Variants in TULP4 observed in about 807,000 individuals in gnomAD.
The protein encoded by TULP4 is TUB like protein 4, also known as tubby-related protein 4.
Under a neutral mutation model 129.0 loss-of-function variants are expected in TULP4, and 16 were observed. The observed-to-expected ratio is 0.12, with a 90% CI of 0.08 to 0.19. The LOEUF is 0.19. Ranked by LOEUF, TULP4 falls within the 10% of genes least tolerant of loss-of-function variation. TULP4 has a pLI of 1.00. For synonymous variants in TULP4, 998 were observed against 854.0 expected (o/e 1.17, Z -2.94); for missense variants, 1,842 against 2,059.1 (o/e 0.89, Z 2.04).
chr6:158,422,083 GGA>G (rs1486667614), intron 2 of TULP4, among the ~76,000 whole-genome samples: 2 of 151,956 alleles, frequency 1.3e-5, no homozygotes, highest in African/African-American at 4.8e-5. Context: ...TAATTGAAAA[GGA>G]GAGTAAATCC....
At chr6:158,366,175 TTAC>T (rs1334309862) in intron 1 of TULP4, among the ~76,000 whole-genome samples, 1 of 152,142 alleles carries the variant, frequency 6.6e-6, no homozygotes, top group Non-Finnish European at 1.5e-5. Flanking sequence ...AGTGCTGGGA[TTAC>T]AGGCATGGGC....
chr6:158,299,171 T>C (rs1359627150), intron 1 of TULP4, among the ~76,000 whole-genome samples: 2 of 152,106 alleles, frequency 1.3e-5, no homozygotes, highest in Admixed American at 1.3e-4. Flanking sequence ...TCTTCCTGTT[T>C]TAAGGAAAAG....
In TULP4 at chr6:158,365,889, CTT is replaced by C. The variant is rs1780937342; in HGVS notation, c.253-47172_253-47171del. On this transcript the variant is annotated intron_variant, in intron 1 of 13. Coordinates refer to ENST00000367097, the MANE Select transcript of TULP4 (RefSeq NM_020245.5). ...GGTTCGTTTTTCTTTTTTTTTTTTT[CTT>C]TTTCTTTCTTTTTTTTTTTTTTTTT... 2.6e-3 allele frequency among the ~76,000 whole-genome samples: 219 copies of C among 84,528 alleles called. 1 individual carries two copies. Among genetic ancestry groups the C allele is most frequent in the Non-Finnish European group, 4.3e-3 (180 of 41,414 alleles). 55.5% of individuals were successfully genotyped at this position (84,528 alleles called of 152,430 possible). A position where few individuals can be genotyped will look rare whatever the true frequency, so the allele number is the denominator to read the frequency against.
At chr6:158,268,281 C>T (rs550558991) in intron 1 of TULP4, among the ~76,000 whole-genome samples, 3 of 151,972 alleles carry the variant, frequency 2.0e-5, no homozygotes, top group South Asian at 2.1e-4. Context: ...CCAGGTGATC[C>T]GGCCACTTCT....
intron 1 of TULP4, among the ~76,000 whole-genome samples, chr6:158,261,182 T>G (rs954924727): frequency 5.9e-5 from 9 of 152,152 alleles, no homozygotes; most frequent in Admixed American, 5.2e-4. Context: ...AAACCATCTA[T>G]ATTGTTGTGC....
chr6:158,331,790 T>C (rs1487250249), intron 1 of TULP4, among the ~76,000 whole-genome samples: 1 of 124,288 alleles, frequency 8.0e-6, no homozygotes, highest in Non-Finnish European at 1.7e-5. Flanking sequence ...CACACACACA[T>C]ACCTACATAC....
At chr6:158,380,910 A>AG (rs1554285869) in intron 1 of TULP4, among the ~76,000 whole-genome samples, 2 of 135,046 alleles carry the variant, frequency 1.5e-5, no homozygotes, top group African/African-American at 2.6e-5. Context: ...AAAAAAAAAA[A>AG]AAGAAGAAGA....
intron 2 of TULP4, among the ~76,000 whole-genome samples, chr6:158,423,127 G>T (rs1035211389): frequency 3.2e-4 from 49 of 151,382 alleles, no homozygotes; most frequent in African/African-American, 9.2e-4. Context: ...AAAAGAGGGG[G>T]GGGGGGGGAA....
chr6:158,448,217 T>C (rs757067806), intron 3 of TULP4, among the ~76,000 whole-genome samples: 1 of 152,196 alleles, frequency 6.6e-6, no homozygotes, highest in Non-Finnish European at 1.5e-5. Flanking sequence ...CTCCTGAGTA[T>C]GTGCTCTGAG....
At chr6:158,466,924 TCAAC>T (rs1383030296) in intron 6 of TULP4, among the ~76,000 whole-genome samples, 1 of 152,210 alleles carries the variant, frequency 6.6e-6, no homozygotes, top group East Asian at 1.9e-4. Context: ...TCAGACAATT[TCAAC>T]CAGTCTTACA....
In TULP4 at chr6:158,508,171, T is replaced by C. The variant is rs1780647261; in HGVS notation, c.*1477T>C. ...TGTTGTTTTTTGTTGTTGTTTTTTG[T>C]TTTTGTTTTTGTTTTTCTCAGTCTT... On this transcript the variant is annotated 3_prime_UTR_variant, in exon 14 of 14. Transcript: ENST00000367097. The C allele has an allele frequency of 6.6e-6, 1 of 152,104 alleles. No homozygotes were observed. Among genetic ancestry groups the C allele is most frequent in the Non-Finnish European group, 1.5e-5 (1 of 68,010 alleles). The allele number at this position is 152,104 out of a possible 1,614,324, so 9.4% of individuals were successfully genotyped here.
At chr6:158,278,228 A>G (rs922904897), upstream of TULP4, among the ~76,000 whole-genome samples, 2 of 152,192 alleles carry the variant, frequency 1.3e-5, no homozygotes, top group Non-Finnish European at 2.9e-5. Context: ...AGCTCCTTTG[A>G]GACTGCTAAA....
chr6:158,439,475 C>G (rs918822607), intron 3 of TULP4, among the ~76,000 whole-genome samples: 2 of 152,204 alleles, frequency 1.3e-5, no homozygotes, highest in African/African-American at 2.4e-5. Flanking sequence ...CAGAGCAACT[C>G]TCTCCCTCCA....
intron 1 of TULP4, among the ~76,000 whole-genome samples, chr6:158,349,664 CA>C (rs1780448004): frequency 6.9e-6 from 1 of 145,438 alleles, no homozygotes; most frequent in African/African-American, 2.5e-5. Flanking sequence ...GCGCTCCTCA[CA>C]TCCCAGACGG....
intron 1 of TULP4, among the ~76,000 whole-genome samples, chr6:158,333,947 A>G (rs1375391931): frequency 6.6e-6 from 1 of 152,360 alleles, no homozygotes; most frequent in Non-Finnish European, 1.5e-5. Context: ...ACTTAACTGT[A>G]GTATGTACTA....
chr6:158,300,481 G>A (rs1779113382), intron 1 of TULP4, among the ~76,000 whole-genome samples: 1 of 152,202 alleles, frequency 6.6e-6, no homozygotes, highest in Non-Finnish European at 1.5e-5. Context: ...CAATTGGCCT[G>A]TTCCGCCACA....
intron 1 of TULP4, among the ~76,000 whole-genome samples, chr6:158,360,511 A>G (rs1050729581): frequency 1.3e-5 from 2 of 152,178 alleles, no homozygotes; most frequent in African/African-American, 4.8e-5. Context: ...GAATTGAAAG[A>G]CCATTGTTGG....
At chr6:158,375,139 A>G (rs900741315) in intron 1 of TULP4, among the ~76,000 whole-genome samples, 3 of 152,176 alleles carry the variant, frequency 2.0e-5, no homozygotes, top group Non-Finnish European at 4.4e-5. Flanking sequence ...GCTACTCGGG[A>G]GGCTGAGACA....
intron 1 of TULP4, among the ~76,000 whole-genome samples, chr6:158,339,641 T>A (rs527959277): frequency 6.6e-6 from 1 of 152,214 alleles, no homozygotes; most frequent in African/African-American, 2.4e-5. Flanking sequence ...AATTCAGCAA[T>A]ATTTCTCTTA....
Sources: allele counts gnomAD v4.1 joint callset (sites outside exome capture counted in the v4.1 genomes callset), GRCh38; gene constraint gnomAD v4.1.1; transcripts MANE v1.5; gene names NCBI Gene and HGNC (gene_info 2026-07-23, HGNC 2026-07-21).